ANGPTL1: variants seen among roughly 807,000 people sequenced by gnomAD.
ANGPTL1 encodes angiopoietin-related protein 1.
A neutral mutation model predicts 46.7 loss-of-function variants in ANGPTL1; 36 were observed. The ratio of observed to expected loss-of-function variants is 0.77; its 90% CI spans 0.59 to 1.02. The LOEUF (loss-of-function observed/expected upper bound fraction) is 1.02. Among genes scored for constraint, ANGPTL1 ranks in the 50% least tolerant of loss-of-function variants. ANGPTL1 has a pLI of 0.00. For missense variants in ANGPTL1, 571 were observed against 594.7 expected (o/e 0.96, Z 0.41); for synonymous variants, 221 against 204.3 (o/e 1.08, Z -0.69).
At position 178,859,831 on chromosome 1, in the gene ANGPTL1, C is replaced by G. The variant is rs931107239; in HGVS notation, c.823+5123G>C. On this transcript the variant is annotated intron_variant, in intron 3 of 5. Coordinates refer to ENST00000234816, the MANE Select transcript of ANGPTL1 (RefSeq NM_004673.4). ...TCCTGCCTCTGCCCGCCCCCCCCCCCCCAACCGCCCAAGTAGCTGGGACTA... is the reference window on the plus strand; with the variant it reads ...TCCTGCCTCTGCCCGCCCCCCCCCCGCCAACCGCCCAAGTAGCTGGGACTA... Among the ~76,000 whole-genome samples the G allele has an allele frequency of 1.6e-4, 16 of 100,646 alleles. 1 individual carries two copies. In the South Asian group the frequency reaches 3.9e-3, roughly 24 times the overall value. 66.0% of individuals were successfully genotyped at this position (100,646 alleles called of 152,430 possible). A position where few individuals can be genotyped will look rare whatever the true frequency, so the allele number is the denominator to read the frequency against.
In ANGPTL1 at chr1:178,865,444, G is replaced by A; in HGVS notation, c.333C>T (p.Asn111=). The change falls in exon 3 of 6, where the codon AAC becomes AAT. Residue 111 remains asparagine (N), a synonymous_variant. Transcript: ENST00000234816. ...VLQLVVDVDG[N]IVNEVKLLRK... is the part of the protein sequence containing the mutation. Reference sequence around the variant, plus strand: ...TCAGCAGCTTTACCTCATTCACAATGTTTCCATCTACATCCACCACCAGTT... The same window carrying A: ...TCAGCAGCTTTACCTCATTCACAATATTTCCATCTACATCCACCACCAGTT... 1 of 1,613,952 alleles carries A rather than the reference G, an allele frequency of 6.2e-7. No individual in the cohort carries two copies. The highest frequency in any genetic ancestry group is 1.1e-5 in the South Asian group (1 of 91,082).
intron 3 of ANGPTL1, among the ~76,000 whole-genome samples, chr1:178,864,186 A>G (rs921555493): frequency 6.6e-6 from 1 of 152,168 alleles, no homozygotes; most frequent in Non-Finnish European, 1.5e-5. Flanking sequence ...CTTTCTGGAC[A>G]CCTAGATCAG....
At chr1:178,853,477 A>G (rs911216471) in intron 4 of ANGPTL1, 117 bp downstream of exon 4, 1 of 925,774 alleles carries the variant, frequency 1.1e-6, no homozygotes, top group Non-Finnish European at 1.5e-6. Flanking sequence ...ATAATGAAAA[A>G]ACATATGGAT....
chr1:178,854,492 A>C (rs1331767529), intron 3 of ANGPTL1, among the ~76,000 whole-genome samples: 1 of 152,168 alleles, frequency 6.6e-6, no homozygotes, highest in Non-Finnish European at 1.5e-5. Context: ...TAGAATCTTA[A>C]ATTTCCCCCA....
chr1:178,864,966 A>C lies in ANGPTL1; in HGVS notation c.811T>G (p.Phe271Val). 1.4e-6 allele frequency: 2 copies of C among 1,452,630 alleles called. No individual in the cohort carries two copies. Among genetic ancestry groups the C allele is most frequent in the Non-Finnish European group, 1.8e-6 (2 of 1,102,084 alleles). 90.0% of individuals were successfully genotyped at this position (1,452,630 alleles called of 1,614,324 possible). ...KSPFKIPPVT[F>V]INEGPFKDCQ... ...AGAGGTAACTCACCTTCATTGATGAAAGTTACCGGTGGTATCTTGAAAGGG... is the reference window on the plus strand; with the variant it reads ...AGAGGTAACTCACCTTCATTGATGACAGTTACCGGTGGTATCTTGAAAGGG... The change falls in exon 3 of 6, where the codon TTC becomes GTC. Residue 271 changes from phenylalanine to valine, a missense_variant. By Grantham distance (50) the Phe-to-Val change is conservative. Coordinates refer to ENST00000234816, the MANE Select transcript of ANGPTL1 (RefSeq NM_004673.4).
intron 3 of ANGPTL1, among the ~76,000 whole-genome samples, chr1:178,855,845 C>A (rs1657497541): frequency 2.0e-5 from 3 of 151,224 alleles, no homozygotes; most frequent in South Asian, 4.2e-4. Context: ...CTAGACACAT[C>A]ACAGGAATCA....
chr1:178,852,825 T>C lies in ANGPTL1; in HGVS notation c.1146A>G (p.Glu382=). 6.2e-7 allele frequency: 1 copy of C among 1,613,964 alleles called. No homozygotes were observed. ...CAGGTTCCAGACGAAAGCTGCTGTA[T>C]TCTGCATAGACTTTTTTATCACTCC... ...EDWSDKKVYA[E]YSSFRLEPES... is the part of the protein sequence containing the mutation. Residue 382 remains glutamate (E), a synonymous_variant, in exon 5 of 6, where the codon GAA becomes GAG. Transcript: ENST00000234816.
chr1:178,851,406 G>C, intron 5 of ANGPTL1, 90 bp from the exon 6 acceptor site: 3 of 1,194,716 alleles, frequency 2.5e-6, no homozygotes, highest in Non-Finnish European at 3.4e-6. Flanking sequence ...CCTTTAATTT[G>C]AACTTCCCTT....
chr1:178,860,410 A>C (rs1012300172), intron 3 of ANGPTL1, among the ~76,000 whole-genome samples: 1 of 152,210 alleles, frequency 6.6e-6, no homozygotes, highest in African/African-American at 2.4e-5. Flanking sequence ...ATTTTTAAAG[A>C]AAATAAAAGA....
rs777854572 is a variant in ANGPTL1, at chr1:178,865,163, G to T, written c.614C>A (p.Ser205Tyr). 37 of 1,608,314 alleles carry T rather than the reference G, an allele frequency of 2.3e-5. No individual in the cohort carries two copies. The highest frequency in any genetic ancestry group is 3.1e-5 in the Non-Finnish European group (36 of 1,176,172). Reference sequence around the variant, plus strand: ...GGGAGACACATGGGTGTCTTGTCGGGAAAATATCCTCAAGCACTGTTCTTC... The same window carrying T: ...GGGAGACACATGGGTGTCTTGTCGGTAAAATATCCTCAAGCACTGTTCTTC... ...LLEEQCLRIF[S>Y]RQDTHVSPPL... is the part of the protein sequence containing the mutation. Residue 205 changes from serine (S) to tyrosine (Y), a missense_variant, in exon 3 of 6, where the codon TCC becomes TAC. Transcript: ENST00000234816.
intron 4 of ANGPTL1, 144 bp from the exon 5 acceptor site, chr1:178,853,097 C>G: frequency 7.1e-7 from 1 of 1,416,242 alleles, no homozygotes; most frequent in African/African-American, 1.4e-5. Context: ...TGGTCACTTG[C>G]GTTTTATAAG....
At chr1:178,857,899 A>G (rs1377037509) in intron 3 of ANGPTL1, among the ~76,000 whole-genome samples, 4 of 152,140 alleles carry the variant, frequency 2.6e-5, no homozygotes, top group Non-Finnish European at 1.5e-5. Flanking sequence ...TTGCTATTTA[A>G]TAGACACTCA....
In ANGPTL1 at chr1:178,865,088, G is replaced by GAA. The variant is rs762706023; in HGVS notation, c.688_689insTT (p.Thr230IlefsTer21). 6.4e-7 allele frequency: 1 copy of GAA among 1,556,984 alleles called. No homozygotes were observed. On this transcript the variant is annotated frameshift_variant, in exon 3 of 6. Coordinates refer to ENST00000234816, the MANE Select transcript of ANGPTL1 (RefSeq NM_004673.4). LOFTEE classifies it high-confidence loss of function. The stretch of plus-strand genomic sequence containing the variant: ...CTCGTTACCTCCCAGCAGACCAGGA[G>GAA]TATACTGTTGGCTGTTAGGAATATG...
intron 2 of ANGPTL1, among the ~76,000 whole-genome samples, chr1:178,866,882 C>G (rs1287004779): frequency 6.6e-6 from 1 of 152,138 alleles, no homozygotes; most frequent in African/African-American, 2.4e-5. Flanking sequence ...GAAACAGTTT[C>G]AAGAGCCAAG....
chr1:178,863,006 T>C (rs991902733), intron 3 of ANGPTL1, among the ~76,000 whole-genome samples: 14 of 152,204 alleles, frequency 9.2e-5, no homozygotes, highest in African/African-American at 3.4e-4. Flanking sequence ...CACTCTTCAA[T>C]TGTTAAATCT....
intron 4 of ANGPTL1, chr1:178,853,309 G>A: frequency 1.3e-6 from 1 of 770,204 alleles, no homozygotes. Flanking sequence ...CATCTAAAGA[G>A]CCCAACATTT....
chr1:178,853,114 A>G (rs1657292859), intron 4 of ANGPTL1, 161 bp from the exon 5 acceptor site: 1 of 985,220 alleles, frequency 1.0e-6, no homozygotes, highest in Non-Finnish European at 1.2e-6. Context: ...TAAGCCACAC[A>G]TTGTCATTCT....
rs972558764 is a variant in ANGPTL1, at chr1:178,865,788, G to A, written c.-12C>T. Reference sequence around the variant, plus strand: ...GTAAAAGTCTTCATTTTGAAATGAGGTTGTAAAATGATGTCTTTTGAAAAA... The same window carrying A: ...GTAAAAGTCTTCATTTTGAAATGAGATTGTAAAATGATGTCTTTTGAAAAA... On this transcript the variant is annotated 5_prime_UTR_variant, in exon 3 of 6. Coordinates refer to ENST00000234816, the MANE Select transcript of ANGPTL1 (RefSeq NM_004673.4). 1.9e-6 allele frequency: 3 copies of A among 1,543,758 alleles called. No individual in the cohort carries two copies. Among genetic ancestry groups the A allele is most frequent in the Non-Finnish European group, 1.7e-6 (2 of 1,148,246 alleles).
intron 2 of ANGPTL1, among the ~76,000 whole-genome samples, chr1:178,868,888 A>G (rs762557811): frequency 2.0e-5 from 3 of 152,062 alleles, no homozygotes; most frequent in Admixed American, 6.6e-5. Context: ...AAGGAGCCAC[A>G]TTTCTTAAGT....
Sources: allele counts gnomAD v4.1 joint callset (sites outside exome capture counted in the v4.1 genomes callset), GRCh38; gene constraint gnomAD v4.1.1; transcripts MANE v1.5; gene names NCBI Gene and HGNC (gene_info 2026-07-23, HGNC 2026-07-21).